Variants in EFCAB5 observed in about 807,000 individuals in gnomAD.
EFCAB5 encodes EF-hand calcium binding domain 5.
In EFCAB5, 131 loss-of-function variants were observed where a neutral mutation model predicts 167.9. The observed-to-expected ratio is 0.78, with a 90% confidence interval of 0.68 to 0.90. EFCAB5 has a LOEUF of 0.90. Among genes scored for constraint, EFCAB5 ranks in the 40% least tolerant of loss-of-function variants. The probability of loss-of-function intolerance (pLI) is 0.00; values close to 1 mark genes in which losing one functional copy is unlikely to be tolerated. For synonymous variants in EFCAB5, 574 were observed against 602.8 expected (o/e 0.95, Z 0.70); for missense variants, 1,663 against 1,745.2 (o/e 0.95, Z 0.84).
chr17:30,098,736 A>G (rs529795337), intron 22 of EFCAB5, among the ~76,000 whole-genome samples: 2 of 152,266 alleles, frequency 1.3e-5, no homozygotes, highest in South Asian at 2.1e-4. Context: ...CAGATTGTGC[A>G]GTTATCACCA....
At chr17:29,930,463 C>A (rs576234972) in intron 1 of EFCAB5, among the ~76,000 whole-genome samples, 1 of 151,774 alleles carries the variant, frequency 6.6e-6, no homozygotes, top group Non-Finnish European at 1.5e-5. Context: ...TGAGGGGTCC[C>A]AGGGCGGGGG....
chr17:29,949,023 A>T (rs754593169), intron 3 of EFCAB5, among the ~76,000 whole-genome samples: 1 of 152,246 alleles, frequency 6.6e-6, no homozygotes, highest in African/African-American at 2.4e-5. Context: ...CTGTGTTTAA[A>T]GAAAACATCA....
chr17:30,064,819 A>T (rs1191785479), intron 14 of EFCAB5, among the ~76,000 whole-genome samples: 2 of 152,242 alleles, frequency 1.3e-5, no homozygotes, highest in Admixed American at 1.3e-4. Flanking sequence ...ATAGAAGGGA[A>T]TCACCATTAG....
At chr17:30,037,301 A>C (rs1046604249) in intron 8 of EFCAB5, among the ~76,000 whole-genome samples, 6 of 152,332 alleles carry the variant, frequency 3.9e-5, no homozygotes, top group Non-Finnish European at 7.4e-5. Flanking sequence ...TGACTGTGAA[A>C]GTTCTGGGAG....
rs776119425 is a variant in EFCAB5 at position 29,941,774 on chromosome 17, T to C, written c.-23T>C. The C allele has an allele frequency of 1.9e-6, 3 of 1,590,736 alleles. No homozygotes were observed. The highest frequency in any genetic ancestry group is 2.6e-6 in the Non-Finnish European group (3 of 1,165,428). The stretch of plus-strand genomic sequence containing the variant: ...TCTAGTAATATTCTTCTATACCATT[T>C]GGTGATAACTTTTGGAGTCCAAATG... On this transcript the variant is annotated 5_prime_UTR_variant, in exon 1 of 23. Transcript: ENST00000394835.
At position 29,992,287 on chromosome 17, in the gene EFCAB5, C is replaced by T. The variant is rs574040915; in HGVS notation, c.768-878C>T. 4.6e-5 allele frequency among the ~76,000 whole-genome samples: 7 copies of T among 152,204 alleles called. No individual in the cohort carries two copies. The South Asian group carries it at 8.3e-4, about 18-fold the overall frequency. ...GCATAATGTTCTCCAATTCCATTCA[C>T]GCTGTCAGAAATGACAGAATTTCTT... On this transcript the variant is annotated intron_variant, in intron 4 of 22. Coordinates refer to ENST00000394835, the MANE Select transcript of EFCAB5 (RefSeq NM_198529.4).
At chr17:30,046,877 G>A (rs1002733635) in intron 8 of EFCAB5, among the ~76,000 whole-genome samples, 29 of 152,120 alleles carry the variant, frequency 1.9e-4, no homozygotes, top group African/African-American at 6.8e-4. Context: ...GTCTGATCTT[G>A]GTATTGCTCC....
At chr17:30,107,769 T>G in intron 22 of EFCAB5, 65 bp from the exon 23 acceptor site, 1 of 1,320,318 alleles carries the variant, frequency 7.6e-7, no homozygotes, top group African/African-American at 1.5e-5. Flanking sequence ...ATATTAGAAC[T>G]TATAATTTTA....
intron 12 of EFCAB5, among the ~76,000 whole-genome samples, chr17:30,056,453 C>T (rs2070270985): frequency 6.6e-6 from 1 of 152,156 alleles, no homozygotes; most frequent in Admixed American, 6.5e-5. Context: ...AAGCTATGAT[C>T]TAAGCATACA....
At chr17:30,068,853 T>C (rs997080674) in intron 14 of EFCAB5, 35 of 1,419,630 alleles carry the variant, frequency 2.5e-5, no homozygotes, top group Non-Finnish European at 3.5e-5. Context: ...AAGATTATAT[T>C]AATGCTTATA....
chr17:30,049,747 ACT>A (rs1396197905), intron 8 of EFCAB5, among the ~76,000 whole-genome samples: 1 of 152,216 alleles, frequency 6.6e-6, no homozygotes, highest in Non-Finnish European at 1.5e-5. Context: ...AAGAAATAAC[ACT>A]GTCATTCAAT....
chr17:30,017,169 C>T (rs2069064773), intron 7 of EFCAB5, among the ~76,000 whole-genome samples: 2 of 151,298 alleles, frequency 1.3e-5, no homozygotes, highest in African/African-American at 2.4e-5. Flanking sequence ...AGAGCGAGAA[C>T]GTGTCTCAAA....
intron 1 of EFCAB5, among the ~76,000 whole-genome samples, chr17:29,931,336 C>CT (rs1376470944): frequency 6.6e-6 from 1 of 152,148 alleles, no homozygotes; most frequent in Non-Finnish European, 1.5e-5. Flanking sequence ...ACTGACAGGG[C>CT]TGTCATGAGC....
chr17:30,015,946 T>G (rs2069029881), intron 7 of EFCAB5, among the ~76,000 whole-genome samples: 1 of 151,952 alleles, frequency 6.6e-6, no homozygotes. Flanking sequence ...GCCCAGCTAA[T>G]TTTTGTATTT....
intron 6 of EFCAB5, among the ~76,000 whole-genome samples, chr17:29,997,507 AT>A (rs2068572700): frequency 6.6e-6 from 1 of 152,078 alleles, no homozygotes; most frequent in Non-Finnish European, 1.5e-5. Context: ...TTGTATTAGA[AT>A]TCAGATACAA....
At chr17:29,942,677 G>A (rs991803047) in intron 2 of EFCAB5, among the ~76,000 whole-genome samples, 3 of 152,122 alleles carry the variant, frequency 2.0e-5, no homozygotes, top group African/African-American at 4.8e-5. Context: ...AAAGAAGAAC[G>A]TTTCATAGAA....
chr17:29,948,704 GT>G (rs2067452550), intron 3 of EFCAB5, among the ~76,000 whole-genome samples: 1 of 152,146 alleles, frequency 6.6e-6, no homozygotes, highest in South Asian at 2.1e-4. Flanking sequence ...AGAAAATACT[GT>G]GGTTAAATAT....
chr17:30,092,960 C>G, intron 22 of EFCAB5, 24 bp downstream of exon 22: 1 of 1,539,652 alleles, frequency 6.5e-7, no homozygotes, highest in Non-Finnish European at 8.9e-7. Flanking sequence ...TAATTACAGC[C>G]TAAATCTATG....
chr17:30,013,541 G>A (rs1447053701), intron 7 of EFCAB5, among the ~76,000 whole-genome samples: 2 of 152,198 alleles, frequency 1.3e-5, no homozygotes, highest in African/African-American at 4.8e-5. Flanking sequence ...GAGGGTGTAT[G>A]TGTCCAGGAA....
Sources: allele counts gnomAD v4.1 joint callset (sites outside exome capture counted in the v4.1 genomes callset), GRCh38; gene constraint gnomAD v4.1.1; transcripts MANE v1.5; gene names NCBI Gene and HGNC (gene_info 2026-07-23, HGNC 2026-07-21).